The following WARS1 variants were observed in gnomAD, a reference collection of about 807,000 sequenced individuals.
WARS1 encodes tryptophanyl-tRNA synthetase 1.
Under a neutral mutation model 47.8 loss-of-function variants are expected in WARS1, and 17 were observed. The ratio of observed to expected loss-of-function variants is 0.36; its 90% CI spans 0.24 to 0.53. The LOEUF is 0.53. Among genes scored for constraint, WARS1 ranks in the 20% least tolerant of loss-of-function variants. The pLI is 0.91. For synonymous variants in WARS1, 208 were observed against 228.1 expected, an observed-to-expected ratio of 0.91 and a Z score of 0.79; for missense variants, 434 against 608.0, an observed-to-expected ratio of 0.71 and a Z score of 3.01.
intron 2 of WARS1, chr14:100,366,938 G>A: frequency 6.3e-7 from 1 of 1,590,486 alleles, no homozygotes; most frequent in South Asian, 1.1e-5. Context: ...ATACCTGGAA[G>A]TATCATAGTG....
chr14:100,339,587 T>A (rs1289853448), intron 9 of WARS1, among the ~76,000 whole-genome samples: 1 of 47,316 alleles, frequency 2.1e-5, no homozygotes, highest in Non-Finnish European at 4.5e-5. Flanking sequence ...TGAGACTCCG[T>A]CTCAAAAAAA....
intron 2 of WARS1, chr14:100,366,560 A>C (rs1481960907): frequency 3.2e-6 from 2 of 617,124 alleles, no homozygotes; most frequent in African/African-American, 3.7e-5. Context: ...GGACATATGG[A>C]AAACTACCAT....
intron 1 of WARS1, chr14:100,374,904 A>C (rs954811600): frequency 6.6e-6 from 1 of 152,206 alleles, no homozygotes; most frequent in Admixed American, 6.5e-5. Context: ...TTCCCCGCCA[A>C]ATAACAGCAT....
At chr14:100,368,556 G>T (rs766868127) in intron 2 of WARS1, 1 of 449,324 alleles carries the variant, frequency 2.2e-6, no homozygotes, top group Non-Finnish European at 4.5e-6. Flanking sequence ...GAATTGAGCA[G>T]GAAATAGGGA....
chr14:100,337,056 G>C lies in WARS1; in HGVS notation c.1254+6C>G, dbSNP rs1462888709. On this transcript the variant is annotated splice_donor_region_variant and intron_variant, in intron 10 of 10. Transcript: ENST00000392882. ...CGGCTGTGGGCCCTTGGGGTTCCCT[G>C]CTCACCTTCCTGATCTGCTCGAGCT... is the stretch of plus-strand genomic sequence containing the variant. The C allele has an allele frequency of 1.9e-6, 3 of 1,610,934 alleles. No individual in the cohort carries two copies.
In WARS1 at chr14:100,337,294, G is replaced by A. The variant is rs1403444421; in HGVS notation, c.1114-92C>T. The A allele has an allele frequency of 2.8e-5, 44 of 1,552,414 alleles. 1 individual carries two copies. The highest frequency in any genetic ancestry group is 3.8e-5 in the Non-Finnish European group (43 of 1,139,202). Reference sequence around the variant, plus strand: ...AAGCCCAAGTGTGGAAGTCAGAGGTGTGAGTGCTGTCAGATTCTGGACCCG... The same window carrying A: ...AAGCCCAAGTGTGGAAGTCAGAGGTATGAGTGCTGTCAGATTCTGGACCCG... On this transcript the variant is annotated intron_variant, in intron 9 of 10. Transcript: ENST00000392882.
chr14:100,346,017 T>G (rs1894594973), intron 7 of WARS1, among the ~76,000 whole-genome samples: 1 of 152,214 alleles, frequency 6.6e-6, no homozygotes, highest in African/African-American at 2.4e-5. Context: ...CTGGCTCGGC[T>G]GGCAGCTGAC....
chr14:100,341,638 G>C (rs1894170105), intron 9 of WARS1, among the ~76,000 whole-genome samples: 1 of 152,242 alleles, frequency 6.6e-6, no homozygotes, highest in Non-Finnish European at 1.5e-5. Flanking sequence ...CCAGGCAACA[G>C]AACTGGGGCC....
At chr14:100,361,366 C>T (rs1895650962) in intron 3 of WARS1, among the ~76,000 whole-genome samples, 1 of 152,126 alleles carries the variant, frequency 6.6e-6, no homozygotes, top group African/African-American at 2.4e-5. Context: ...GAGGTGAAAC[C>T]TAAGTAATCT....
chr14:100,359,925 G>A (rs867936340), intron 4 of WARS1, among the ~76,000 whole-genome samples: 1 of 152,260 alleles, frequency 6.6e-6, no homozygotes. Flanking sequence ...TCCTGTAAGC[G>A]TGAAGTGCCA....
rs573451751 is a variant in WARS1, at chr14:100,352,272, C to T, written c.725+1415G>A. On this transcript the variant is annotated intron_variant, in intron 6 of 10. Transcript: ENST00000392882. Reference sequence around the variant, plus strand: ...AACTACAGGAGCACGCCACCACACCCGGCTAATTTTTGTGTTTTTAGTAGA... The same window carrying T: ...AACTACAGGAGCACGCCACCACACCTGGCTAATTTTTGTGTTTTTAGTAGA... Among the ~76,000 whole-genome samples, 39 of 151,648 alleles carry T rather than the reference C, an allele frequency of 2.6e-4. No individual in the cohort carries two copies. The South Asian group carries it at 3.4e-3, about 13-fold the overall frequency.
intron 10 of WARS1, chr14:100,336,749 C>T (rs1353072190): frequency 2.1e-5 from 5 of 233,542 alleles, no homozygotes; most frequent in Non-Finnish European, 4.2e-5. Flanking sequence ...ACACAAAAGC[C>T]CCTACTAATT....
intron 9 of WARS1, among the ~76,000 whole-genome samples, chr14:100,339,407 C>A (rs575040287): frequency 1.3e-5 from 2 of 151,794 alleles, no homozygotes; most frequent in Non-Finnish European, 2.9e-5. Context: ...CTGGCTAACA[C>A]GGTGAAACCC....
intron 4 of WARS1, among the ~76,000 whole-genome samples, 194 bp from the exon 5 acceptor site, chr14:100,354,760 T>A (rs1895205183): frequency 6.6e-6 from 1 of 152,188 alleles, no homozygotes. Context: ...TGTGAGTGTT[T>A]TAAAAGACAA....
chr14:100,341,585 G>A (rs1894166386), intron 9 of WARS1, among the ~76,000 whole-genome samples: 1 of 152,210 alleles, frequency 6.6e-6, no homozygotes, highest in South Asian at 2.1e-4. Flanking sequence ...CAACTGCTTT[G>A]TGTAACAGTG....
chr14:100,335,636 C>T (rs916129637), intron 10 of WARS1, among the ~76,000 whole-genome samples: 4 of 152,152 alleles, frequency 2.6e-5, no homozygotes, highest in Admixed American at 6.5e-5. Flanking sequence ...CCACCTGCCT[C>T]GGCCTCCCAA....
At chr14:100,341,988 A>C (rs1274052864) in intron 9 of WARS1, 1 of 281,210 alleles carries the variant, frequency 3.6e-6, no homozygotes, top group African/African-American at 2.2e-5. Context: ...ACATGAGAAA[A>C]CATAAATAAG....
At chr14:100,340,876 A>G (rs190804940) in intron 9 of WARS1, among the ~76,000 whole-genome samples, 2 of 151,978 alleles carry the variant, frequency 1.3e-5, no homozygotes, top group Admixed American at 6.6e-5. Context: ...AGTGAATGAT[A>G]AATGTCCCAG....
At chr14:100,371,855 G>A (rs564663067) in intron 1 of WARS1, among the ~76,000 whole-genome samples, 4 of 152,198 alleles carry the variant, frequency 2.6e-5, no homozygotes, top group Non-Finnish European at 5.9e-5. Context: ...TTCAAGAGCA[G>A]CTTGGGTAAT....
Sources: allele counts gnomAD v4.1 joint callset (sites outside exome capture counted in the v4.1 genomes callset), GRCh38; gene constraint gnomAD v4.1.1; transcripts MANE v1.5; gene names NCBI Gene and HGNC (gene_info 2026-07-23, HGNC 2026-07-21).